LY86: variants seen among roughly 807,000 people sequenced by gnomAD.
LY86 encodes lymphocyte antigen 86, also known as MD-1, RP105-associated.
LY86 carries 20 observed loss-of-function variants against 17.3 expected under a neutral mutation model. The observed-to-expected ratio is 1.15, with a 90% CI of 0.81 to 1.68. LY86 has a LOEUF of 1.68. Ranked by LOEUF, LY86 falls within the 40% of genes most tolerant of loss-of-function variation. The pLI is 0.00. For missense variants in LY86, 200 were observed against 191.9 expected, an observed-to-expected ratio of 1.04 and a Z score of -0.25; for synonymous variants, 74 against 70.6, an observed-to-expected ratio of 1.05 and a Z score of -0.24.
At chr6:6,647,747 G>A (rs948303317) in intron 3 of LY86, among the ~76,000 whole-genome samples, 7 of 152,140 alleles carry the variant, frequency 4.6e-5, no homozygotes, top group African/African-American at 1.7e-4. Context: ...ATGTTGGAGG[G>A]CCTCAGGAGG....
chr6:6,625,050 G>A, intron 2 of LY86, 38 bp downstream of exon 2: 1 of 944,302 alleles, frequency 1.1e-6, no homozygotes, highest in Non-Finnish European at 1.6e-6. Context: ...ATAAAACATT[G>A]CACAGCCTCT....
intron 1 of LY86, among the ~76,000 whole-genome samples, chr6:6,597,016 CTCA>C (rs1313150697): frequency 7.2e-5 from 11 of 152,214 alleles, no homozygotes; most frequent in African/African-American, 1.4e-4. Context: ...GGCAGCTCCG[CTCA>C]TGTTTTGGGA....
chr6:6,647,354 G>A (rs532988174), intron 3 of LY86, among the ~76,000 whole-genome samples: 1 of 151,972 alleles, frequency 6.6e-6, no homozygotes, highest in East Asian at 1.9e-4. Context: ...CTCCCATCTC[G>A]AACAAAGAAA....
At chr6:6,595,035 T>C (rs1289518903) in intron 1 of LY86, among the ~76,000 whole-genome samples, 1 of 151,366 alleles carries the variant, frequency 6.6e-6, no homozygotes, top group Non-Finnish European at 1.5e-5. Flanking sequence ...GCACAAAAGA[T>C]AAGTCTTCGG....
At chr6:6,605,650 C>A (rs145659063) in intron 1 of LY86, among the ~76,000 whole-genome samples, 2 of 152,240 alleles carry the variant, frequency 1.3e-5, no homozygotes, top group South Asian at 2.1e-4. Context: ...TCGCTATGTT[C>A]TACTGTGTCT....
At chr6:6,634,550 G>A (rs1366689496) in intron 3 of LY86, among the ~76,000 whole-genome samples, 5 of 152,240 alleles carry the variant, frequency 3.3e-5, no homozygotes, top group African/African-American at 1.2e-4. Flanking sequence ...AGTCAAAGGT[G>A]TAACCACGGT....
At chr6:6,605,812 G>A (rs1167976104) in intron 1 of LY86, among the ~76,000 whole-genome samples, 1 of 151,990 alleles carries the variant, frequency 6.6e-6, no homozygotes, top group African/African-American at 2.4e-5. Flanking sequence ...GGGGTTCGTG[G>A]TCTCGCTGGC....
intron 1 of LY86, among the ~76,000 whole-genome samples, chr6:6,623,089 G>A (rs1398522885): frequency 6.6e-6 from 1 of 152,192 alleles, no homozygotes; most frequent in African/African-American, 2.4e-5. Context: ...GCAGGTCTGG[G>A]TGCTGTCAGG....
At chr6:6,605,720 G>A (rs1231735762) in intron 1 of LY86, among the ~76,000 whole-genome samples, 1 of 152,186 alleles carries the variant, frequency 6.6e-6, no homozygotes, top group South Asian at 2.1e-4. Context: ...ACCTCGCGGT[G>A]AGTGTTACAG....
intron 3 of LY86, among the ~76,000 whole-genome samples, chr6:6,630,208 C>T (rs551094181): frequency 1.3e-5 from 2 of 152,306 alleles, no homozygotes; most frequent in African/African-American, 4.8e-5. Flanking sequence ...TTCTCTTCCC[C>T]TGGGAATAAA....
At chr6:6,654,002 T>C (rs555341720) in intron 4 of LY86, among the ~76,000 whole-genome samples, 7 of 152,080 alleles carry the variant, frequency 4.6e-5, no homozygotes, top group Admixed American at 2.0e-4. Context: ...CTGACCAGAG[T>C]CCCTTTCAGA....
intron 1 of LY86, among the ~76,000 whole-genome samples, chr6:6,589,589 A>C (rs1760462203): frequency 6.6e-6 from 1 of 152,160 alleles, no homozygotes; most frequent in South Asian, 2.1e-4. Flanking sequence ...CTGCCATAAC[A>C]AACCACCACA....
chr6:6,588,759 T>C lies in LY86; in HGVS notation c.25T>C (p.Phe9Leu). MKGFTATL[F>L]LWTLIFPSCS... ...CATGAAGGGTTTCACAGCCACTCTC[T>C]TCCTCTGGACTCTGATTTTTCCCAG... Residue 9 changes from phenylalanine to leucine, a missense_variant, in exon 1 of 5, where the codon TTC becomes CTC. By Grantham distance (22) the Phe-to-Leu change is conservative. Transcript: ENST00000230568. The C allele has an allele frequency of 1.9e-6, 3 of 1,614,164 alleles. No individual in the cohort carries two copies. The highest frequency in any genetic ancestry group is 1.7e-5 in the Admixed American group (1 of 60,026).
At chr6:6,651,971 G>A (rs567831690) in intron 4 of LY86, among the ~76,000 whole-genome samples, 8 of 142,256 alleles carry the variant, frequency 5.6e-5, no homozygotes, top group African/African-American at 1.6e-4. Flanking sequence ...CATGAGAATC[G>A]CTTGACCCCA....
intron 1 of LY86, among the ~76,000 whole-genome samples, chr6:6,619,376 C>G (rs1214541236): frequency 6.6e-6 from 1 of 152,248 alleles, no homozygotes. Flanking sequence ...TCTCCAGTGC[C>G]AAGTGGTTCT....
chr6:6,616,960 C>T (rs1434263850), intron 1 of LY86, among the ~76,000 whole-genome samples: 3 of 152,192 alleles, frequency 2.0e-5, no homozygotes, highest in Non-Finnish European at 4.4e-5. Flanking sequence ...TCCCGCTGTC[C>T]CTAAGCCAGG....
chr6:6,642,431 C>T (rs1762053098), intron 3 of LY86, among the ~76,000 whole-genome samples: 1 of 152,186 alleles, frequency 6.6e-6, no homozygotes, highest in South Asian at 2.1e-4. Context: ...AATTAGGACA[C>T]ACTGAAAAAT....
intron 1 of LY86, among the ~76,000 whole-genome samples, chr6:6,623,311 T>G (rs1205693212): frequency 1.3e-5 from 2 of 152,088 alleles, no homozygotes; most frequent in Non-Finnish European, 2.9e-5. Context: ...GGTGACAGCT[T>G]CTGATGTGCT....
intron 1 of LY86, among the ~76,000 whole-genome samples, chr6:6,599,435 G>C (rs1222649999): frequency 6.6e-6 from 1 of 152,240 alleles, no homozygotes; most frequent in Non-Finnish European, 1.5e-5. Flanking sequence ...TTTTCAGTCA[G>C]TTCTTAGTGG....
Sources: gnomAD v4.1 joint callset for allele counts (sites outside exome capture counted in the v4.1 genomes callset) on GRCh38, gnomAD v4.1.1 for gene constraint, MANE v1.5 for transcripts, NCBI Gene and HGNC (gene_info 2026-07-23, HGNC 2026-07-21) for gene names.